TNPO3: variants seen among roughly 807,000 people sequenced by gnomAD.
TNPO3 encodes transportin-3.
TNPO3 carries 65 observed loss-of-function variants against 122.8 expected under a neutral mutation model. That is an observed-to-expected ratio of 0.53 (90% CI 0.43 to 0.65). The LOEUF (loss-of-function observed/expected upper bound fraction) is 0.65. Ranked by LOEUF, TNPO3 falls within the 30% of genes least tolerant of loss-of-function variation. TNPO3 has a pLI of 0.00. For missense variants in TNPO3, 850 were observed against 1,136.7 expected, an observed-to-expected ratio of 0.75 and a Z score of 3.63; for synonymous variants, 372 against 411.2, an observed-to-expected ratio of 0.90 and a Z score of 1.15.
chr7:129,017,874 A>G, intron 2 of TNPO3, 83 bp downstream of exon 2: 2 of 1,387,424 alleles, frequency 1.4e-6, no homozygotes, highest in South Asian at 2.4e-5. Flanking sequence ...ATTACCTCAC[A>G]TGGCCTAGCA....
intron 1 of TNPO3, among the ~76,000 whole-genome samples, chr7:129,053,402 G>A (rs1809036254): frequency 6.6e-6 from 1 of 151,402 alleles, no homozygotes; most frequent in South Asian, 2.1e-4. Flanking sequence ...GGCTGAGGCA[G>A]GAGAATCTCT....
At position 128,990,031 on chromosome 7, in the gene TNPO3, A is replaced by C; in HGVS notation, c.1428T>G (p.Ala476=). Reference sequence around the variant, plus strand: ...CCAATTCAATGCTGGTGTATCGCACAGCCGTATGTACGGTCTCCGGGAGGC... The same window carrying C: ...CCAATTCAATGCTGGTGTATCGCACCGCCGTATGTACGGTCTCCGGGAGGC... ...VVRLPETVHT[A]VRYTSIELVG... Residue 476 remains alanine, a synonymous_variant, in exon 11 of 23, where the codon GCT becomes GCG. Coordinates refer to ENST00000265388, the MANE Select transcript of TNPO3 (RefSeq NM_012470.4). 6.2e-7 allele frequency: 1 copy of C among 1,614,244 alleles called. No individual in the cohort carries two copies. Among genetic ancestry groups the C allele is most frequent in the Non-Finnish European group, 8.5e-7 (1 of 1,180,036 alleles).
rs75536554 is a variant in TNPO3 at position 129,025,550 on chromosome 7, G to A, written c.121-7393C>T. Among the ~76,000 whole-genome samples the A allele has an allele frequency of 4.8e-3, 732 of 152,110 alleles. 5 individuals are homozygous for A. Among genetic ancestry groups the A allele is most frequent in the African/African-American group, 0.017 (691 of 41,506 alleles). ...AAATGGTACAAGAAAAGCTTCTGGA[G>A]CGGAATGGCCAGTAAAGTTCTATTT... is the stretch of plus-strand genomic sequence containing the variant. On this transcript the variant is annotated intron_variant, in intron 1 of 22. Transcript: ENST00000265388.
chr7:129,000,610 G>A (rs1283854122), intron 6 of TNPO3, 43 bp from the exon 7 acceptor site: 2 of 1,574,092 alleles, frequency 1.3e-6, no homozygotes, highest in Non-Finnish European at 8.7e-7. Context: ...CAGAAATCTG[G>A]ATATTATAAG....
rs189599233 is a variant in TNPO3 at position 129,034,013 on chromosome 7, C to T, written c.121-15856G>A. Among the ~76,000 whole-genome samples, 712 of 151,342 alleles carry T rather than the reference C, an allele frequency of 4.7e-3. 6 individuals are homozygous for T. The highest frequency in any genetic ancestry group is 5.4e-3 in the Non-Finnish European group (365 of 67,944). ...CACAATAACCAAGAGATAGAAGCAA[C>T]CTAAATGCCCATCTATGGATAAATG... On this transcript the variant is annotated intron_variant, in intron 1 of 22. Transcript: ENST00000265388.
intron 1 of TNPO3, among the ~76,000 whole-genome samples, chr7:129,031,666 G>A (rs1489924685): frequency 6.6e-6 from 1 of 152,008 alleles, no homozygotes; most frequent in East Asian, 1.9e-4. Context: ...AAACTGAAGA[G>A]GAAAGAACAC....
rs1004889227 is a variant in TNPO3, at chr7:128,986,774, C to T, written c.1645G>A (p.Asp549Asn). The T allele has an allele frequency of 3.1e-6, 5 of 1,613,776 alleles. No individual in the cohort carries two copies. Among genetic ancestry groups the T allele is most frequent in the African/African-American group, 1.3e-5 (1 of 74,896 alleles). ...GCTTCTGGAGACAACAGGAAGGAATCGAGGGAGCGGGCAATCTCCAGGAGT... is the reference window on the plus strand; with the variant it reads ...GCTTCTGGAGACAACAGGAAGGAATTGAGGGAGCGGGCAATCTCCAGGAGT... ...NGLLEIARSL[D>N]SFLLSPEAAV... The change falls in exon 12 of 23, where the codon GAT (aspartate) becomes AAT (asparagine). Residue 549 changes from aspartate (D) to asparagine (N), a missense_variant. Coordinates refer to ENST00000265388, the MANE Select transcript of TNPO3 (RefSeq NM_012470.4).
At chr7:129,034,064 G>C (rs1806276615) in intron 1 of TNPO3, among the ~76,000 whole-genome samples, 1 of 152,170 alleles carries the variant, frequency 6.6e-6, no homozygotes, top group Admixed American at 6.5e-5. Context: ...TATATATGCA[G>C]TGGAATGTTA....
intron 1 of TNPO3, among the ~76,000 whole-genome samples, chr7:129,025,940 AC>A (rs1464074415): frequency 6.6e-6 from 1 of 152,142 alleles, no homozygotes; most frequent in African/African-American, 2.4e-5. Flanking sequence ...AGCCTGGCCA[AC>A]ATGGTAAAAC....
chr7:129,053,364 A>G (rs976245070), intron 1 of TNPO3, among the ~76,000 whole-genome samples: 2 of 149,920 alleles, frequency 1.3e-5, no homozygotes, highest in Admixed American at 6.7e-5. Flanking sequence ...GTGTCAGGGC[A>G]GGCACCTGTA....
chr7:128,993,177 G>T (rs999717648), intron 9 of TNPO3, among the ~76,000 whole-genome samples: 1 of 148,818 alleles, frequency 6.7e-6, no homozygotes, highest in African/African-American at 2.4e-5. Flanking sequence ...CTGTGACAAA[G>T]CTTCCAAAGT....
At chr7:128,965,496 T>A (rs1218179031) in intron 21 of TNPO3, among the ~76,000 whole-genome samples, 1 of 152,166 alleles carries the variant, frequency 6.6e-6, no homozygotes. Context: ...CTAGTGGGAA[T>A]GTAAAATGGT....
chr7:128,979,396 C>T (rs2129004023), intron 15 of TNPO3, among the ~76,000 whole-genome samples: 1 of 152,292 alleles, frequency 6.6e-6, no homozygotes, highest in South Asian at 2.1e-4. Context: ...CTTCAGACTT[C>T]CCGAAAGGCT....
At chr7:129,000,043 C>T (rs1200243232) in intron 7 of TNPO3, among the ~76,000 whole-genome samples, 1 of 152,184 alleles carries the variant, frequency 6.6e-6, no homozygotes, top group Non-Finnish European at 1.5e-5. Context: ...CTTTCAATCC[C>T]TTTGTCATTC....
chr7:129,005,718 A>G (rs973070982), intron 4 of TNPO3, among the ~76,000 whole-genome samples: 12 of 151,336 alleles, frequency 7.9e-5, no homozygotes, highest in Non-Finnish European at 1.6e-4. Flanking sequence ...AGCCCACAGA[A>G]CCATAAGCTG....
intron 20 of TNPO3, among the ~76,000 whole-genome samples, chr7:128,967,775 CT>C (rs1485582535): frequency 1.3e-5 from 2 of 152,078 alleles, no homozygotes; most frequent in African/African-American, 2.4e-5. Context: ...CTCGCTCTCT[CT>C]TTTTTGAGAT....
intron 1 of TNPO3, among the ~76,000 whole-genome samples, chr7:129,046,890 ACC>A (rs1276195443): frequency 6.6e-6 from 1 of 151,880 alleles, no homozygotes; most frequent in Non-Finnish European, 1.5e-5. Context: ...GTATGAGGGA[ACC>A]CCCCATCATG....
chr7:129,014,329 C>A (rs1369037759), intron 4 of TNPO3, among the ~76,000 whole-genome samples: 1 of 152,070 alleles, frequency 6.6e-6, no homozygotes, highest in East Asian at 1.9e-4. Flanking sequence ...TCGAGGCCAG[C>A]CTAGGCAACA....
intron 1 of TNPO3, among the ~76,000 whole-genome samples, chr7:129,039,348 G>C (rs1369538066): frequency 6.6e-6 from 1 of 152,112 alleles, no homozygotes. Flanking sequence ...GATCGCTTGA[G>C]CCCAAGAGTT....
Sources: gnomAD v4.1 joint callset for allele counts (sites outside exome capture counted in the v4.1 genomes callset) on GRCh38, gnomAD v4.1.1 for gene constraint, MANE v1.5 for transcripts, NCBI Gene and HGNC (gene_info 2026-07-23, HGNC 2026-07-21) for gene names.